Variants in RSU1 observed in about 807,000 individuals in gnomAD.
The protein encoded by RSU1 is Ras suppressor protein 1, also known as rsu-1.
Under a neutral mutation model 31.1 loss-of-function variants are expected in RSU1, and 26 were observed. The ratio of observed to expected loss-of-function variants is 0.84; its 90% confidence interval spans 0.61 to 1.16. RSU1 has a LOEUF of 1.16. RSU1 is among the 50% of genes most tolerant of loss of function. The pLI is 0.00. For missense variants in RSU1, 320 were observed against 339.1 expected, an observed-to-expected ratio of 0.94 and a Z score of 0.44; for synonymous variants, 164 against 136.3, an observed-to-expected ratio of 1.20 and a Z score of -1.41.
chr10:16,709,566 C>G (rs1401919531), intron 7 of RSU1, among the ~76,000 whole-genome samples: 2 of 152,080 alleles, frequency 1.3e-5, no homozygotes, highest in African/African-American at 2.4e-5. Context: ...CTGAGGAATC[C>G]CCACACTGAC....
intron 7 of RSU1, among the ~76,000 whole-genome samples, chr10:16,740,708 C>T (rs766152070): frequency 6.6e-6 from 1 of 152,058 alleles, no homozygotes; most frequent in Admixed American, 6.6e-5. Context: ...AAAATAATTT[C>T]ATATATAATA....
chr10:16,673,973 A>G (rs550085143), intron 8 of RSU1, among the ~76,000 whole-genome samples: 2 of 152,196 alleles, frequency 1.3e-5, no homozygotes, highest in South Asian at 4.1e-4. Flanking sequence ...AGGCTCTTTC[A>G]CACCATCGTG....
chr10:16,787,621 G>A (rs978791640), intron 2 of RSU1, among the ~76,000 whole-genome samples: 13 of 152,192 alleles, frequency 8.5e-5, no homozygotes, highest in African/African-American at 3.1e-4. Context: ...TCCCCATACT[G>A]TTCGTGTGAC....
At chr10:16,752,767 A>C in intron 6 of RSU1, 114 bp from the exon 7 acceptor site, 3 of 1,046,236 alleles carry the variant, frequency 2.9e-6, no homozygotes, top group Non-Finnish European at 4.4e-6. Flanking sequence ...CCATGTATTT[A>C]CAAGTGCCGG....
chr10:16,778,412 T>C (rs971665798), intron 3 of RSU1, among the ~76,000 whole-genome samples: 1 of 151,972 alleles, frequency 6.6e-6, no homozygotes, highest in Non-Finnish European at 1.5e-5. Context: ...TTCACATACC[T>C]CCTGGGAGCA....
chr10:16,788,447 G>C (rs1295946107), intron 2 of RSU1, among the ~76,000 whole-genome samples: 2 of 152,176 alleles, frequency 1.3e-5, no homozygotes, highest in African/African-American at 4.8e-5. Flanking sequence ...CTTCATAAGA[G>C]GAGACATGTG....
At chr10:16,677,541 C>T (rs778081279) in intron 8 of RSU1, among the ~76,000 whole-genome samples, 1 of 152,164 alleles carries the variant, frequency 6.6e-6, no homozygotes, top group Non-Finnish European at 1.5e-5. Context: ...CCAGAGTAAA[C>T]CCAAGTCGTC....
chr10:16,622,476 T>C (rs11254113), intron 8 of RSU1, among the ~76,000 whole-genome samples: 32,618 of 152,098 alleles, frequency 0.21, 4,299 homozygotes, highest in African/African-American at 0.38. Flanking sequence ...AAAGTGCTCA[T>C]GTGGAAAAAC....
In RSU1 at chr10:16,710,485, T is replaced by C. The variant is rs568937599; in HGVS notation, c.599-15330A>G. ...TAGTTTTGCTGTTGTTGTTGTATCGTTGTCTGGTTTCAGGATCAGGGTAAT... is the reference window on the plus strand; with the variant it reads ...TAGTTTTGCTGTTGTTGTTGTATCGCTGTCTGGTTTCAGGATCAGGGTAAT... On this transcript the variant is annotated intron_variant, in intron 7 of 8. Transcript: ENST00000345264. Among the ~76,000 whole-genome samples the C allele has an allele frequency of 2.6e-5, 4 of 152,256 alleles. No homozygotes were observed. The East Asian group carries it at 5.8e-4, about 22-fold the overall frequency.
chr10:16,599,352 C>T (rs747558985), intron 8 of RSU1, among the ~76,000 whole-genome samples: 2 of 152,194 alleles, frequency 1.3e-5, no homozygotes, highest in Non-Finnish European at 2.9e-5. Flanking sequence ...AAACGCCAAC[C>T]ATCCCTCAAA....
At chr10:16,764,994 A>G (rs28599915) in intron 3 of RSU1, among the ~76,000 whole-genome samples, 49,619 of 146,010 alleles carry the variant, frequency 0.34, 9,748 homozygotes, top group African/African-American at 0.63. Flanking sequence ...ATGGGGGGGG[A>G]GAAACAGAGC....
chr10:16,667,838 C>T (rs1564308608), intron 8 of RSU1, among the ~76,000 whole-genome samples: 1 of 152,076 alleles, frequency 6.6e-6, no homozygotes, highest in Non-Finnish European at 1.5e-5. Context: ...ATTCAATGAG[C>T]CTGCCAGATA....
rs141935841 is a variant in RSU1, at chr10:16,702,850, G to A, written c.599-7695C>T. On this transcript the variant is annotated intron_variant, in intron 7 of 8. Coordinates refer to ENST00000345264, the MANE Select transcript of RSU1 (RefSeq NM_012425.4). ...GTAAGAAGAATACAAGATTTGGAGG[G>A]GCCAGGGGCAGAATGATATCGTTTG... Among the ~76,000 whole-genome samples, 135 of 152,244 alleles carry A rather than the reference G, an allele frequency of 8.9e-4. 2 individuals carry two copies. In the East Asian group the frequency reaches 0.017, roughly 20 times the overall value.
intron 8 of RSU1, among the ~76,000 whole-genome samples, chr10:16,693,218 G>T (rs1483916276): frequency 6.6e-6 from 1 of 152,202 alleles, no homozygotes; most frequent in African/African-American, 2.4e-5. Flanking sequence ...TTCCCAAAGT[G>T]TTGGGGTTGC....
At chr10:16,801,098 A>T (rs4620614) in intron 2 of RSU1, among the ~76,000 whole-genome samples, 18,430 of 126,588 alleles carry the variant, frequency 0.15, 2,259 homozygotes, top group African/African-American at 0.34. Flanking sequence ...TCTTTTTTTT[A>T]AAAAAAAAAA....
chr10:16,689,764 G>A (rs1286708149), intron 8 of RSU1, among the ~76,000 whole-genome samples: 3 of 152,190 alleles, frequency 2.0e-5, no homozygotes, highest in Admixed American at 6.5e-5. Flanking sequence ...TTAAAAAAAC[G>A]GAACACACAA....
At chr10:16,720,831 C>T (rs1373110519) in intron 7 of RSU1, among the ~76,000 whole-genome samples, 1 of 152,080 alleles carries the variant, frequency 6.6e-6, no homozygotes, top group African/African-American at 2.4e-5. Context: ...ACAAAAAATA[C>T]AGTCATTAGC....
intron 7 of RSU1, among the ~76,000 whole-genome samples, chr10:16,696,354 G>A (rs1265315198): frequency 6.6e-6 from 1 of 152,172 alleles, no homozygotes; most frequent in Non-Finnish European, 1.5e-5. Flanking sequence ...TAGCTGATCT[G>A]AGCTTTGGAA....
intron 2 of RSU1, among the ~76,000 whole-genome samples, chr10:16,812,054 C>T (rs555208323): frequency 2.0e-5 from 3 of 152,202 alleles, no homozygotes; most frequent in East Asian, 3.9e-4. Flanking sequence ...CTAGCTGGAG[C>T]GAGAAAAACG....
Sources: allele counts gnomAD v4.1 joint callset (sites outside exome capture counted in the v4.1 genomes callset), GRCh38; gene constraint gnomAD v4.1.1; transcripts MANE v1.5; gene names NCBI Gene and HGNC (gene_info 2026-07-23, HGNC 2026-07-21).